The following LSM3 variants were observed in gnomAD, a reference collection of about 807,000 sequenced individuals.
LSM3 encodes U6 snRNA-associated Sm-like protein LSm3.
In LSM3, 14 loss-of-function variants were observed where a neutral mutation model predicts 15.4. The observed-to-expected ratio is 0.91, with a 90% CI of 0.60 to 1.42. LSM3 has a LOEUF of 1.42. LSM3 is among the 40% of genes most tolerant of loss of function. The probability of loss-of-function intolerance (pLI) is 0.00; values close to 1 mark genes in which losing one functional copy is unlikely to be tolerated. For synonymous variants in LSM3, 46 were observed against 45.1 expected, an observed-to-expected ratio of 1.02 and a Z score of -0.08; for missense variants, 88 against 127.9, an observed-to-expected ratio of 0.69 and a Z score of 1.50.
chr3:14,196,810 G>A (rs1425494800), intron 3 of LSM3, among the ~76,000 whole-genome samples: 1 of 152,032 alleles, frequency 6.6e-6, no homozygotes, highest in Non-Finnish European at 1.5e-5. Flanking sequence ...GTTTTTTTTG[G>A]CCAGGCTTAT....
intron 3 of LSM3, among the ~76,000 whole-genome samples, chr3:14,185,307 G>T (rs1398394874): frequency 1.3e-5 from 2 of 152,092 alleles, no homozygotes; most frequent in African/African-American, 4.8e-5. Context: ...AGCTGAGATC[G>T]TGCTACTGTA....
rs1697209579 is a variant in LSM3 at position 14,198,886 on chromosome 3, T to C, written c.*770T>C. ...AAAAAAAAAAAAAAGTTTTCTGCCC[T>C]CAAGTCTTCTGGGGAGGCAGATGTT... On this transcript the variant is annotated 3_prime_UTR_variant, in exon 4 of 4. Coordinates refer to ENST00000306024, the MANE Select transcript of LSM3 (RefSeq NM_014463.3). The C allele has an allele frequency of 6.7e-6, 1 of 150,098 alleles. No homozygotes were observed. Among genetic ancestry groups the C allele is most frequent in the Non-Finnish European group, 1.5e-5 (1 of 67,648 alleles). The allele number at this position is 150,098 out of a possible 1,614,324, so 9.3% of individuals were successfully genotyped here. A position where few individuals can be genotyped will look rare whatever the true frequency, so the allele number is the denominator to read the frequency against.
chr3:14,200,728 C>A lies in LSM3; in HGVS notation c.*2612C>A, dbSNP rs1206183101. On this transcript the variant is annotated 3_prime_UTR_variant, in exon 4 of 4. Transcript: ENST00000306024. ...CCAAGTTAAACTTAATCATTAGCTG[C>A]AAATGGACGATTTTCAAATTTCAAA... 6.6e-6 allele frequency: 1 copy of A among 152,142 alleles called. No individual in the cohort carries two copies. The highest frequency in any genetic ancestry group is 1.5e-5 in the Non-Finnish European group (1 of 68,028). 9.4% of individuals were successfully genotyped at this position (152,142 alleles called of 1,614,324 possible). A position where few individuals can be genotyped will look rare whatever the true frequency, so the allele number is the denominator to read the frequency against.
chr3:14,182,352 C>G (rs1441567398), intron 2 of LSM3, among the ~76,000 whole-genome samples: 1 of 148,604 alleles, frequency 6.7e-6, no homozygotes, highest in Non-Finnish European at 1.5e-5. Context: ...TTTTTTTTCA[C>G]TTAATCTTTC....
chr3:14,191,104 G>C (rs1697135107), intron 3 of LSM3, among the ~76,000 whole-genome samples: 1 of 152,250 alleles, frequency 6.6e-6, no homozygotes, highest in South Asian at 2.1e-4. Flanking sequence ...TGCATATGTT[G>C]AACCAGCCTT....
intron 3 of LSM3, among the ~76,000 whole-genome samples, chr3:14,193,383 G>C (rs943414730): frequency 1.1e-4 from 16 of 152,182 alleles, no homozygotes; most frequent in Non-Finnish European, 1.5e-4. Context: ...TTCCAACTTG[G>C]TTCCATTCTC....
chr3:14,193,075 T>C lies in LSM3; in HGVS notation c.229-4961T>C, dbSNP rs115737319. 4.4e-3 allele frequency among the ~76,000 whole-genome samples: 673 copies of C among 152,352 alleles called. 2 individuals are homozygous for C. The highest frequency in any genetic ancestry group is 7.6e-3 in the Non-Finnish European group (517 of 68,032). On this transcript the variant is annotated intron_variant, in intron 3 of 3. Coordinates refer to ENST00000306024, the MANE Select transcript of LSM3 (RefSeq NM_014463.3). ...GGTTATGAAACTCTGGGTTGATAATTCTTTTTTTCAAGAACGTTGAATATT... is the reference window on the plus strand; with the variant it reads ...GGTTATGAAACTCTGGGTTGATAATCCTTTTTTTCAAGAACGTTGAATATT...
At chr3:14,179,194 C>T (rs1362183684) in intron 1 of LSM3, among the ~76,000 whole-genome samples, 1 of 152,172 alleles carries the variant, frequency 6.6e-6, no homozygotes, top group Non-Finnish European at 1.5e-5. Context: ...GAGTTGTTAT[C>T]ATTAGTGAGC....
chr3:14,189,819 A>G (rs1007400301), intron 3 of LSM3, among the ~76,000 whole-genome samples: 12 of 152,132 alleles, frequency 7.9e-5, no homozygotes, highest in Non-Finnish European at 1.5e-4. Flanking sequence ...CCATTTGTCA[A>G]TTTTGGCTTT....
intron 3 of LSM3, among the ~76,000 whole-genome samples, chr3:14,186,751 A>G (rs891852448): frequency 1.3e-5 from 2 of 152,206 alleles, no homozygotes; most frequent in African/African-American, 4.8e-5. Flanking sequence ...CATGGACACA[A>G]TCATAAGTAC....
chr3:14,191,512 AG>A (rs550816675), intron 3 of LSM3, among the ~76,000 whole-genome samples: 211 of 152,178 alleles, frequency 1.4e-3, no homozygotes, highest in African/African-American at 4.9e-3. Context: ...TAGACTTGGG[AG>A]GGTGTATGTG....
rs145154876 is a variant in LSM3 at position 14,198,087 on chromosome 3, C to G, written c.280C>G (p.Leu94Val). ...CTTTGTCCGGGGAGATGGCGTTGTCCTGGTTGCCCCTCCACTGAGAGTTGG... is the reference window on the plus strand; with the variant it reads ...CTTTGTCCGGGGAGATGGCGTTGTCGTGGTTGCCCCTCCACTGAGAGTTGG... ...MLFVRGDGVV[L>V]VAPPLRVG is the part of the protein sequence containing the mutation. Residue 94 changes from leucine to valine, a missense_variant, in exon 4 of 4, where the codon CTG becomes GTG. Leu to Val is a conservative substitution (Grantham distance 32). Transcript: ENST00000306024. 5.3e-5 allele frequency: 85 copies of G among 1,613,430 alleles called. No homozygotes were observed. The highest frequency in any genetic ancestry group is 6.9e-5 in the Non-Finnish European group (81 of 1,179,846).
intron 3 of LSM3, among the ~76,000 whole-genome samples, chr3:14,192,390 C>T (rs1697148073): frequency 6.6e-6 from 1 of 152,176 alleles, no homozygotes; most frequent in African/African-American, 2.4e-5. Context: ...GTGTTAAAGT[C>T]TCCCGCAATT....
intron 3 of LSM3, among the ~76,000 whole-genome samples, chr3:14,184,660 G>A (rs1452159678): frequency 6.6e-6 from 1 of 151,114 alleles, no homozygotes; most frequent in Non-Finnish European, 1.5e-5. Context: ...GGGAGGCTGA[G>A]GCAGGAGAAT....
intron 3 of LSM3, among the ~76,000 whole-genome samples, chr3:14,194,720 C>T (rs1208984388): frequency 6.9e-6 from 1 of 144,620 alleles, no homozygotes. Flanking sequence ...GGGTGAAATT[C>T]ATCACCATTA....
chr3:14,192,574 T>C (rs1697150238), intron 3 of LSM3, among the ~76,000 whole-genome samples: 1 of 152,260 alleles, frequency 6.6e-6, no homozygotes, highest in Admixed American at 6.5e-5. Context: ...GTTTAAAGTC[T>C]GTTTTATTAC....
intron 3 of LSM3, among the ~76,000 whole-genome samples, chr3:14,184,469 C>T (rs534238570): frequency 1.3e-5 from 2 of 152,232 alleles, no homozygotes; most frequent in South Asian, 2.1e-4. Context: ...ATTAAAAAAA[C>T]CTGGGCCGGG....
rs1324921987 is a variant in LSM3, at chr3:14,183,998, A to G, written c.194A>G (p.Glu65Gly). 6.2e-7 allele frequency: 1 copy of G among 1,608,572 alleles called. No individual in the cohort carries two copies. ...GTGGAAGAAACTGTGACTACTATAGAAATTGATGAAGAAACATATGAAGAG... is the reference window on the plus strand; with the variant it reads ...GTGGAAGAAACTGTGACTACTATAGGAATTGATGAAGAAACATATGAAGAG... ...GDVEETVTTIEIDEETYEEIY... is the reference protein window; with the variant it reads ...GDVEETVTTIGIDEETYEEIY... Residue 65 changes from glutamate (E) to glycine (G), a missense_variant, in exon 3 of 4, where the codon GAA becomes GGA. Physicochemically the swap from Glu to Gly is moderately conservative, Grantham distance 98. Transcript: ENST00000306024.
intron 3 of LSM3, among the ~76,000 whole-genome samples, chr3:14,193,978 A>G (rs1383589257): frequency 6.6e-6 from 1 of 152,152 alleles, no homozygotes; most frequent in African/African-American, 2.4e-5. Context: ...TAGATGTGCT[A>G]ATCCTTTTTA....
Sources: allele counts gnomAD v4.1 joint callset (sites outside exome capture counted in the v4.1 genomes callset), GRCh38; gene constraint gnomAD v4.1.1; transcripts MANE v1.5; gene names NCBI Gene and HGNC (gene_info 2026-07-23, HGNC 2026-07-21).